Variants in MICALL2 observed in about 807,000 individuals in gnomAD.
The protein encoded by MICALL2 is MICAL like 2.
MICALL2 carries 111 observed loss-of-function variants against 91.1 expected under a neutral mutation model. That is an observed-to-expected ratio of 1.22 (90% confidence interval 1.04 to 1.43). The LOEUF (loss-of-function observed/expected upper bound fraction) is 1.43, where lower values mean the gene tolerates loss of function less well. Among genes scored for constraint, MICALL2 ranks in the 40% most tolerant of loss-of-function variants. MICALL2 has a pLI of 0.00. For missense variants in MICALL2, 1,556 were observed against 1,236.0 expected (o/e 1.26, Z -3.88); for synonymous variants, 694 against 525.3 (o/e 1.32, Z -4.39).
chr7:1,440,294 C>T (rs960600785), intron 8 of MICALL2: 3 of 663,112 alleles, frequency 4.5e-6, no homozygotes, highest in Non-Finnish European at 7.6e-6. Context: ...AAGCAGATTC[C>T]AGGCGTGAGC....
At chr7:1,447,393 C>T (rs1780646834) in intron 4 of MICALL2, among the ~76,000 whole-genome samples, 182 bp downstream of exon 4, 2 of 152,166 alleles carry the variant, frequency 1.3e-5, no homozygotes, top group Admixed American at 1.3e-4. Flanking sequence ...CAACCCCTGG[C>T]TTGATGGAGC....
At chr7:1,456,113 G>A (rs920508392) in intron 1 of MICALL2, among the ~76,000 whole-genome samples, 1 of 151,942 alleles carries the variant, frequency 6.6e-6, no homozygotes, top group African/African-American at 2.4e-5. Flanking sequence ...TGAAGGCACA[G>A]AGGCAGGCAC....
At chr7:1,444,407 C>T (rs985291701) in intron 6 of MICALL2, among the ~76,000 whole-genome samples, 4 of 152,178 alleles carry the variant, frequency 2.6e-5, no homozygotes, top group African/African-American at 7.2e-5. Flanking sequence ...GCACCCATGA[C>T]GCCCCGAGCA....
At chr7:1,448,294 C>T (rs1363438930) in intron 3 of MICALL2, among the ~76,000 whole-genome samples, 1 of 152,248 alleles carries the variant, frequency 6.6e-6, no homozygotes, top group African/African-American at 2.4e-5. Context: ...AACTGAGGCC[C>T]ATGAGGGGCA....
rs139843807 is a variant in MICALL2, at chr7:1,440,307, C to T, written c.1806-222G>A. On this transcript the variant is annotated intron_variant, in intron 8 of 16. Transcript: ENST00000297508. ...CGAAGCAGATTCCAGGCGTGAGCTC[C>T]GGGCCCCACGGGACCCACACATGGG... 93 of 639,594 alleles carry T rather than the reference C, an allele frequency of 1.5e-4. 1 individual carries two copies. Among genetic ancestry groups the T allele is most frequent in the African/African-American group, 1.2e-3 (63 of 54,624 alleles). The allele number at this position is 639,594 out of a possible 1,614,324, so 39.6% of individuals were successfully genotyped here.
chr7:1,439,676 T>C, intron 9 of MICALL2: 1 of 409,944 alleles, frequency 2.4e-6, no homozygotes, highest in South Asian at 8.1e-5. Context: ...TGAACACAGA[T>C]GTACACATGC....
rs771649265 is a variant in MICALL2 at position 1,436,851 on chromosome 7, G to C, written c.2482C>G (p.Leu828Val). The C allele has an allele frequency of 6.3e-7, 1 of 1,590,926 alleles. No homozygotes were observed. ...CGCCGCCGCTCCTGCAGTGACTTCA[G>C]AGCCTCTGTGGGGATGGCTCGTCAG... ...LRRLMAKPEA[L>V]KSLQERRREQ... Residue 828 changes from leucine (L) to valine (V), a missense_variant, in exon 15 of 17, where the codon CTG becomes GTG. Transcript: ENST00000297508.
At chr7:1,449,051 C>G (rs1172467566) in intron 2 of MICALL2, among the ~76,000 whole-genome samples, 1 of 152,254 alleles carries the variant, frequency 6.6e-6, no homozygotes, top group African/African-American at 2.4e-5. Flanking sequence ...AATCCCAGGC[C>G]CCACCCAACC....
chr7:1,453,129 C>T lies in MICALL2; in HGVS notation c.144-2841G>A, dbSNP rs564499608. Among the ~76,000 whole-genome samples the T allele has an allele frequency of 2.8e-4, 43 of 152,156 alleles. 1 individual carries two copies. In the South Asian group the frequency reaches 8.5e-3, roughly 30 times the overall value. On this transcript the variant is annotated intron_variant, in intron 1 of 16. Transcript: ENST00000297508. ...CACCAACATCGCCAGGTGGAGACCC[C>T]ACTCGTGTCTCCAGGAGCCCCCCAA...
rs556264873 is a variant in MICALL2, at chr7:1,456,151, C to T, written c.143+3033G>A. ...CCAAAGAGCCAGGGGCCAGGCGCGG[C>T]GGCTCACATCTGTAATCCCAGCGCT... On this transcript the variant is annotated intron_variant, in intron 1 of 16. Coordinates refer to ENST00000297508, the MANE Select transcript of MICALL2 (RefSeq NM_182924.4). Among the ~76,000 whole-genome samples the T allele has an allele frequency of 2.6e-5, 4 of 152,000 alleles. 1 individual carries two copies. Among genetic ancestry groups the T allele is most frequent in the African/African-American group, 9.6e-5 (4 of 41,504 alleles).
intron 10 of MICALL2, 145 bp downstream of exon 10, chr7:1,438,695 G>T: frequency 1.4e-6 from 2 of 1,474,506 alleles, no homozygotes; most frequent in Non-Finnish European, 1.8e-6. Flanking sequence ...CGGGCCTGGG[G>T]CACGGGGCTG....
rs763924824 is a variant in MICALL2 at position 1,438,908 on chromosome 7, G to C, written c.2054C>G (p.Pro685Arg). 1 of 1,609,304 alleles carries C rather than the reference G, an allele frequency of 6.2e-7. No individual in the cohort carries two copies. The highest frequency in any genetic ancestry group is 1.3e-5 in the African/African-American group (1 of 74,924). Residue 685 changes from proline (P) to arginine (R), a missense_variant, in exon 10 of 17, where the codon CCT (proline) becomes CGT (arginine). Transcript: ENST00000297508. Reference protein sequence around the residue: ...VCDNWLRPEPPGQEARVQSWK... With the variant: ...VCDNWLRPEPRGQEARVQSWK... ...GCTCTGCACTCGGGCTTCCTGGCCA[G>C]GGGGCTCCGGCCGAAGCCAGTTGTC...
chr7:1,435,188 G>A, intron 15 of MICALL2, 41 bp from the exon 16 acceptor site: 2 of 1,607,638 alleles, frequency 1.2e-6, no homozygotes, highest in Middle Eastern at 1.7e-4. Flanking sequence ...AATGGCAATG[G>A]CAAGGTGCCC....
In MICALL2 at chr7:1,459,305, G is replaced by A. The variant is rs1331787539; in HGVS notation, c.22C>T (p.Gln8Ter). The A allele has an allele frequency of 1.9e-6, 3 of 1,577,822 alleles. No individual in the cohort carries two copies. Among genetic ancestry groups the A allele is most frequent in the Middle Eastern group, 1.7e-4 (1 of 5,936 alleles). Residue 8 changes from glutamine (Q) to a stop codon, truncating the protein, a stop_gained, in exon 1 of 17, where the codon CAA becomes TAA. Coordinates refer to ENST00000297508, the MANE Select transcript of MICALL2 (RefSeq NM_182924.4). LOFTEE classifies it high-confidence loss of function. ...TCGCACTGCTGCCGGCACCACTGTTGCAGCGCCCTGATGGCCGCCATGTGG... is the reference window on the plus strand; with the variant it reads ...TCGCACTGCTGCCGGCACCACTGTTACAGCGCCCTGATGGCCGCCATGTGG... MAAIRAL[Q>*]QWCRQQCEGY...
chr7:1,459,112 C>A, intron 1 of MICALL2, 72 bp downstream of exon 1: 2 of 1,488,806 alleles, frequency 1.3e-6, no homozygotes, highest in Non-Finnish European at 9.1e-7. Context: ...GCCGCCCGGG[C>A]CTCAGTTTCC....
Position 1,434,599 on chromosome 7 carries a change from C to G in MICALL2, c.2712G>C (p.Gln904His), listed in dbSNP as rs1779870677. The G allele has an allele frequency of 6.3e-7, 1 of 1,596,452 alleles. No homozygotes were observed. Among genetic ancestry groups the G allele is most frequent in the Non-Finnish European group, 8.5e-7 (1 of 1,174,550 alleles). The change falls in exon 17 of 17, where the codon CAG (glutamine) becomes CAC (histidine). Residue 904 changes from glutamine (Q) to histidine (H), a missense_variant. Transcript: ENST00000297508. ...GAGCCCACGGCCCTACTGGCTACTA[C>G]TGGGAGGGGCTGCTTTTGCTTTTTG... ...WSPKSKSSPS[Q>H]
Position 1,442,493 on chromosome 7 carries a change from A to G in MICALL2, c.1419-9T>C. 1 of 1,522,612 alleles carries G rather than the reference A, an allele frequency of 6.6e-7. No individual in the cohort carries two copies. Among genetic ancestry groups the G allele is most frequent in the Non-Finnish European group, 8.8e-7 (1 of 1,135,198 alleles). 94.3% of individuals were successfully genotyped at this position (1,522,612 alleles called of 1,614,324 possible). A position where few individuals can be genotyped will look rare whatever the true frequency, so the allele number is the denominator to read the frequency against. On this transcript the variant is annotated splice_polypyrimidine_tract_variant and intron_variant, in intron 6 of 16. Coordinates refer to ENST00000297508, the MANE Select transcript of MICALL2 (RefSeq NM_182924.4). ...CAGTGGCTGGGGAGGGCCTATAAGT[A>G]AAAGCGCAGGCATCAGGCACAGCTG...
chr7:1,447,602 C>T lies in MICALL2; in HGVS notation c.498G>A (p.Glu166=). 1 of 1,588,810 alleles carries T rather than the reference C, an allele frequency of 6.3e-7. No individual in the cohort carries two copies. Among genetic ancestry groups the T allele is most frequent in the Non-Finnish European group, 8.6e-7 (1 of 1,168,182 alleles). ...TCTTGGGGGGCGGGCCCCCTGCACCCTCATTCCTCCTCTGGACCACAGGGT... is the reference window on the plus strand; with the variant it reads ...TCTTGGGGGGCGGGCCCCCTGCACCTTCATTCCTCCTCTGGACCACAGGGT... ...QTNPVVQRRN[E]GAGGPPPKTD... The change falls in exon 4 of 17, where the codon GAG becomes GAA. Residue 166 remains glutamate, a synonymous_variant. Coordinates refer to ENST00000297508, the MANE Select transcript of MICALL2 (RefSeq NM_182924.4).
At chr7:1,444,583 G>T in intron 6 of MICALL2, 69 bp downstream of exon 6, 1 of 1,473,850 alleles carries the variant, frequency 6.8e-7, no homozygotes, top group Non-Finnish European at 9.1e-7. Flanking sequence ...CAACCCCTCT[G>T]GCCTCCGGGG....
Sources: gnomAD v4.1 joint callset for allele counts (sites outside exome capture counted in the v4.1 genomes callset) on GRCh38, gnomAD v4.1.1 for gene constraint, MANE v1.5 for transcripts, NCBI Gene and HGNC (gene_info 2026-07-23, HGNC 2026-07-21) for gene names.